ALK: variants seen among roughly 807,000 people sequenced by gnomAD.
ALK encodes ALK receptor tyrosine kinase.
In ALK, 74 loss-of-function variants were observed where a neutral mutation model predicts 163.1. The observed-to-expected ratio is 0.45, with a 90% CI of 0.38 to 0.55. The LOEUF is 0.55. ALK is among the 20% of genes least tolerant of loss of function. ALK has a pLI of 0.00. For synonymous variants in ALK, 960 were observed against 843.2 expected (o/e 1.14, Z -2.40); for missense variants, 2,063 against 2,105.3 (o/e 0.98, Z 0.39).
chr2:29,528,284 T>G (rs1277241993), intron 4 of ALK, among the ~76,000 whole-genome samples: 1 of 151,644 alleles, frequency 6.6e-6, no homozygotes, highest in Non-Finnish European at 1.5e-5. Flanking sequence ...CCCTGGAGAG[T>G]GTCTCCTATA....
chr2:29,275,383 G>A lies in ALK; in HGVS notation c.1912+19C>T, dbSNP rs1165433611. 1.9e-6 allele frequency: 3 copies of A among 1,613,254 alleles called. No homozygotes were observed. The highest frequency in any genetic ancestry group is 2.2e-5 in the South Asian group (2 of 91,070). On this transcript the variant is annotated intron_variant, in intron 10 of 28. Coordinates refer to ENST00000389048, the MANE Select transcript of ALK (RefSeq NM_004304.5). ...CATGGGGGTTGGGGGACAGAGTGCT[G>A]GGGTCAGAGTGAACTCACTGGTGAG...
chr2:29,433,098 C>T (rs1670318826), intron 4 of ALK, among the ~76,000 whole-genome samples: 1 of 152,156 alleles, frequency 6.6e-6, no homozygotes, highest in Non-Finnish European at 1.5e-5. Flanking sequence ...AGTGACCAGG[C>T]AAAGTTTAAC....
At chr2:29,485,839 G>A (rs947135009) in intron 4 of ALK, among the ~76,000 whole-genome samples, 13 of 152,166 alleles carry the variant, frequency 8.5e-5, no homozygotes, top group East Asian at 1.9e-4. Flanking sequence ...TGCAACTTGC[G>A]AAAAACAGTG....
At chr2:29,405,285 C>T (rs974409335) in intron 4 of ALK, among the ~76,000 whole-genome samples, 31 of 152,222 alleles carry the variant, frequency 2.0e-4, no homozygotes, top group African/African-American at 7.0e-4. Context: ...CTGTTCCTTT[C>T]GAAACTCTGA....
At chr2:29,585,911 C>A (rs1209374670) in intron 3 of ALK, among the ~76,000 whole-genome samples, 2 of 151,936 alleles carry the variant, frequency 1.3e-5, no homozygotes, top group Non-Finnish European at 2.9e-5. Flanking sequence ...AGATACATAA[C>A]TACTATGAGA....
intron 1 of ALK, among the ~76,000 whole-genome samples, chr2:29,739,695 A>G (rs1679998191): frequency 6.6e-6 from 1 of 152,082 alleles, no homozygotes; most frequent in African/African-American, 2.4e-5. Context: ...CTCATCTGTT[A>G]CAAAATTTAA....
chr2:29,560,970 T>G (rs1336077273), intron 3 of ALK, among the ~76,000 whole-genome samples: 1 of 152,180 alleles, frequency 6.6e-6, no homozygotes, highest in Non-Finnish European at 1.5e-5. Flanking sequence ...GTCATTAATA[T>G]GTAATAAATT....
intron 23 of ALK, 123 bp from the exon 24 acceptor site, chr2:29,214,204 C>G: frequency 1.2e-6 from 1 of 812,522 alleles, no homozygotes; most frequent in Admixed American, 2.0e-5. Context: ...CACCAGGGGC[C>G]TCGGCCCTGG....
chr2:29,777,277 T>C (rs763526592), intron 1 of ALK, among the ~76,000 whole-genome samples: 14 of 151,908 alleles, frequency 9.2e-5, no homozygotes, highest in Non-Finnish European at 2.1e-4. Flanking sequence ...ATGGCAGGAG[T>C]AGGAAAAAGG....
At chr2:29,249,924 T>G (rs556179062) in intron 12 of ALK, among the ~76,000 whole-genome samples, 24 of 152,064 alleles carry the variant, frequency 1.6e-4, no homozygotes, top group Non-Finnish European at 2.9e-4. Context: ...CTGCCCGGAG[T>G]GCCATTTAAA....
intron 4 of ALK, among the ~76,000 whole-genome samples, chr2:29,406,051 G>C (rs1036087735): frequency 1.3e-5 from 2 of 152,172 alleles, no homozygotes; most frequent in African/African-American, 4.8e-5. Context: ...TGTTGATGAT[G>C]CCAATAATCA....
chr2:29,569,376 T>C (rs1054550723), intron 3 of ALK, among the ~76,000 whole-genome samples: 7 of 152,186 alleles, frequency 4.6e-5, no homozygotes, highest in African/African-American at 1.4e-4. Flanking sequence ...CATAGCCAAG[T>C]AATCCCATCT....
intron 3 of ALK, among the ~76,000 whole-genome samples, chr2:29,553,691 A>G (rs1673772701): frequency 6.6e-6 from 1 of 152,186 alleles, no homozygotes; most frequent in Non-Finnish European, 1.5e-5. Flanking sequence ...TTGCTTACCG[A>G]TGAGGCTTTA....
chr2:29,368,055 G>C (rs77224219), intron 5 of ALK, among the ~76,000 whole-genome samples: 1 of 152,140 alleles, frequency 6.6e-6, no homozygotes, highest in African/African-American at 2.4e-5. Context: ...CCCAGGCTTT[G>C]AGCCAAACAC....
intron 5 of ALK, among the ~76,000 whole-genome samples, chr2:29,352,585 G>C (rs6727178): frequency 1.3e-5 from 2 of 152,108 alleles, no homozygotes; most frequent in Admixed American, 6.5e-5. Flanking sequence ...TCTGGGAAAA[G>C]AGAGGTCCAG....
intron 4 of ALK, among the ~76,000 whole-genome samples, chr2:29,494,335 T>C (rs1172873915): frequency 6.6e-6 from 1 of 152,164 alleles, no homozygotes; most frequent in African/African-American, 2.4e-5. Flanking sequence ...AGAGCAGAAT[T>C]TTTAAAAATG....
At chr2:29,468,275 C>G (rs1381186103) in intron 4 of ALK, among the ~76,000 whole-genome samples, 1 of 152,194 alleles carries the variant, frequency 6.6e-6, no homozygotes, top group African/African-American at 2.4e-5. Context: ...GATCCACCCA[C>G]CTCGGCCTCC....
chr2:29,912,599 A>G (rs1667735152), intron 1 of ALK, among the ~76,000 whole-genome samples: 1 of 152,130 alleles, frequency 6.6e-6, no homozygotes, highest in African/African-American at 2.4e-5. Context: ...GGAAAAGGGA[A>G]GAGCAAAAGA....
chr2:29,296,855 A>G, intron 9 of ALK, 33 bp downstream of exon 9: 1 of 1,613,860 alleles, frequency 6.2e-7, no homozygotes, highest in South Asian at 1.1e-5. Flanking sequence ...CTGATAGAGG[A>G]GAAGGGTATT....
Sources: allele counts gnomAD v4.1 joint callset (sites outside exome capture counted in the v4.1 genomes callset), GRCh38; gene constraint gnomAD v4.1.1; transcripts MANE v1.5; gene names NCBI Gene and HGNC (gene_info 2026-07-23, HGNC 2026-07-21).